Variants in CSMD1 observed in about 807,000 individuals in gnomAD.
The protein encoded by CSMD1 is CUB and sushi domain-containing protein 1.
CSMD1 carries 213 observed loss-of-function variants against 417.5 expected under a neutral mutation model. That is an observed-to-expected ratio of 0.51 (90% CI 0.46 to 0.57). The LOEUF (loss-of-function observed/expected upper bound fraction) is 0.57, where lower values mean the gene tolerates loss of function less well. Ranked by LOEUF, CSMD1 falls within the 20% of genes least tolerant of loss-of-function variation. The pLI, the probability that CSMD1 is intolerant of heterozygous loss-of-function variation, is 0.00. For synonymous variants in CSMD1, 2,862 were observed against 1,736.8 expected (o/e 1.65, Z -16.11); for missense variants, 6,923 against 4,529.7 (o/e 1.53, Z -15.17).
intron 11 of CSMD1, among the ~76,000 whole-genome samples, chr8:3,491,146 C>A (rs886399472): frequency 6.6e-6 from 1 of 152,014 alleles, no homozygotes; most frequent in Admixed American, 6.6e-5. Context: ...GCGGTGAGAG[C>A]GTGAGTGTCA....
intron 3 of CSMD1, among the ~76,000 whole-genome samples, chr8:4,399,596 G>A (rs1212787279): frequency 6.6e-6 from 1 of 151,782 alleles, no homozygotes; most frequent in Admixed American, 6.6e-5. Flanking sequence ...CCTGGATCTT[G>A]CCATATTTGT....
intron 1 of CSMD1, among the ~76,000 whole-genome samples, chr8:4,734,364 C>T (rs2116972364): frequency 6.6e-6 from 1 of 151,984 alleles, no homozygotes; most frequent in South Asian, 2.1e-4. Context: ...TTTAGAGCTT[C>T]CTCTGAGTGT....
At position 3,968,004 on chromosome 8, in the gene CSMD1, TAAA is replaced by T. The variant is rs11330461; in HGVS notation, c.818+29896_818+29898del. On this transcript the variant is annotated intron_variant, in intron 5 of 69. Transcript: ENST00000635120. ...AACACGGTGAAACCCCGTCACTGCT[TAAA>T]AAAAAAAAAAAAAAAAAAAATTACA... Among the ~76,000 whole-genome samples the T allele has an allele frequency of 2.3e-3, 224 of 98,884 alleles. 2 individuals carry two copies. The highest frequency in any genetic ancestry group is 9.3e-3 in the African/African-American group (214 of 22,984). The allele number at this position is 98,884 out of a possible 152,430, so 64.9% of individuals were successfully genotyped here.
At chr8:3,835,582 G>A (rs889519553) in intron 5 of CSMD1, among the ~76,000 whole-genome samples, 1 of 151,932 alleles carries the variant, frequency 6.6e-6, no homozygotes, top group Non-Finnish European at 1.5e-5. Context: ...GAGCGGGGAG[G>A]GATAGCATTA....
intron 1 of CSMD1, among the ~76,000 whole-genome samples, chr8:4,878,203 A>G (rs1238959834): frequency 6.6e-6 from 1 of 152,072 alleles, no homozygotes; most frequent in East Asian, 1.9e-4. Context: ...AATCACTCAC[A>G]AGAAAAGATA....
At chr8:4,384,449 T>G (rs1803313105) in intron 3 of CSMD1, among the ~76,000 whole-genome samples, 2 of 152,170 alleles carry the variant, frequency 1.3e-5, no homozygotes, top group South Asian at 2.1e-4. Flanking sequence ...ACTTGCTGGT[T>G]TTTTCAAATA....
intron 3 of CSMD1, among the ~76,000 whole-genome samples, chr8:4,301,171 T>C (rs1049315031): frequency 1.3e-5 from 2 of 152,136 alleles, no homozygotes; most frequent in African/African-American, 4.8e-5. Context: ...AAAAGAACGC[T>C]CTGGGGCAGC....
intron 1 of CSMD1, among the ~76,000 whole-genome samples, chr8:4,921,241 A>G (rs963203120): frequency 2.3e-4 from 35 of 152,300 alleles, no homozygotes; most frequent in African/African-American, 6.0e-4. Flanking sequence ...AACCTCTTCC[A>G]CCAGCCAGAG....
At chr8:4,435,811 G>C (rs953139271) in intron 2 of CSMD1, among the ~76,000 whole-genome samples, 1 of 152,148 alleles carries the variant, frequency 6.6e-6, no homozygotes. Context: ...ACCGTGTCCC[G>C]AACACCTTCA....
At chr8:4,397,184 A>T (rs1407026376) in intron 3 of CSMD1, among the ~76,000 whole-genome samples, 1 of 152,114 alleles carries the variant, frequency 6.6e-6, no homozygotes. Flanking sequence ...ATCAACATGT[A>T]TGTGTTTGAT....
intron 68 of CSMD1, among the ~76,000 whole-genome samples, chr8:2,945,430 G>A (rs1044869051): frequency 6.6e-6 from 1 of 152,072 alleles, no homozygotes; most frequent in African/African-American, 2.4e-5. Context: ...TACTGTCCAG[G>A]GACATTAAGG....
At chr8:3,581,492 G>A (rs924175381) in intron 9 of CSMD1, among the ~76,000 whole-genome samples, 1 of 152,190 alleles carries the variant, frequency 6.6e-6, no homozygotes. Flanking sequence ...CCAGATGGAA[G>A]GATCACTTCT....
rs1585233604 is a variant in CSMD1 at position 3,052,582 on chromosome 8, C to A, written c.7540G>T (p.Asp2514Tyr). 2 of 1,611,698 alleles carry A rather than the reference C, an allele frequency of 1.2e-6. No individual in the cohort carries two copies. Reference sequence around the variant, plus strand: ...TGACATTCATAGACCACTTTACTGTCCAAAGTGAACTCGTTCCCGGTAAAT... The same window carrying A: ...TGACATTCATAGACCACTTTACTGTACAAAGTGAACTCGTTCCCGGTAAAT... ...GSFTGNEFTL[D>Y]SKVVYECHEG... Residue 2514 changes from aspartate to tyrosine, a missense_variant, in exon 50 of 70, where the codon GAC becomes TAC. Physicochemically the swap from Asp to Tyr is radical, Grantham distance 160 (BLOSUM62 -3). Transcript: ENST00000635120.
chr8:3,955,690 A>G (rs1204638832), intron 5 of CSMD1, among the ~76,000 whole-genome samples: 5 of 152,152 alleles, frequency 3.3e-5, no homozygotes, highest in Non-Finnish European at 5.9e-5. Flanking sequence ...ATGAGGAAAG[A>G]GGATGAATAC....
intron 2 of CSMD1, among the ~76,000 whole-genome samples, chr8:4,568,730 CCCA>C (rs1427138068): frequency 6.6e-6 from 1 of 152,140 alleles, no homozygotes; most frequent in Non-Finnish European, 1.5e-5. Flanking sequence ...AATTTACACT[CCCA>C]CCAACAGTGT....
intron 12 of CSMD1, among the ~76,000 whole-genome samples, chr8:3,412,865 C>T (rs1455733366): frequency 6.6e-6 from 1 of 152,202 alleles, no homozygotes; most frequent in Admixed American, 6.5e-5. Flanking sequence ...ACAGTGAGTT[C>T]AAAACGCTGC....
At chr8:3,608,789 C>T (rs1382734553) in intron 8 of CSMD1, among the ~76,000 whole-genome samples, 5 of 151,568 alleles carry the variant, frequency 3.3e-5, no homozygotes, top group Admixed American at 6.6e-5. Context: ...TCATAACGTC[C>T]AGCAGTGTGC....
At position 2,975,048 on chromosome 8, in the gene CSMD1, G is replaced by A. The variant is rs117903608; in HGVS notation, c.8567-424C>T. On this transcript the variant is annotated intron_variant, in intron 55 of 69. Transcript: ENST00000635120. The stretch of plus-strand genomic sequence containing the variant: ...ATGACAATCATATTCTTTGCTTGCG[G>A]ACATGATTCTGTCAAATCTGCTTAA... Among the ~76,000 whole-genome samples the A allele has an allele frequency of 2.2e-3, 329 of 152,244 alleles. 1 individual carries two copies. Among genetic ancestry groups the A allele is most frequent in the African/African-American group, 7.5e-3 (312 of 41,534 alleles).
intron 3 of CSMD1, among the ~76,000 whole-genome samples, chr8:4,225,775 C>G (rs564742284): frequency 2.0e-5 from 3 of 152,198 alleles, no homozygotes; most frequent in African/African-American, 7.2e-5. Flanking sequence ...CTATTCAAAT[C>G]TATTCAGAGT....
Sources: allele counts gnomAD v4.1 joint callset (sites outside exome capture counted in the v4.1 genomes callset), GRCh38; gene constraint gnomAD v4.1.1; transcripts MANE v1.5; gene names NCBI Gene and HGNC (gene_info 2026-07-23, HGNC 2026-07-21).